Variants in LRRC4C observed in about 807,000 individuals in gnomAD.
LRRC4C encodes leucine rich repeat containing 4C, also known as leucine-rich repeat-containing protein 4C.
In LRRC4C, 5 loss-of-function variants were observed where a neutral mutation model predicts 33.6. The observed-to-expected ratio is 0.15, with a 90% CI of 0.08 to 0.31. The LOEUF is 0.31. LRRC4C is among the 10% of genes least tolerant of loss of function. The probability of loss-of-function intolerance (pLI) is 1.00; values close to 1 mark genes in which losing one functional copy is unlikely to be tolerated. For synonymous variants in LRRC4C, 329 were observed against 302.0 expected (o/e 1.09, Z -0.93); for missense variants, 560 against 796.7 (o/e 0.70, Z 3.58).
intron 6 of LRRC4C, among the ~76,000 whole-genome samples, chr11:40,134,013 G>A (rs1856814578): frequency 6.6e-6 from 1 of 152,036 alleles, no homozygotes; most frequent in Admixed American, 6.5e-5. Flanking sequence ...GAAAATCCTA[G>A]AGAAATTCTA....
At chr11:40,549,001 C>T (rs1256437462) in intron 3 of LRRC4C, among the ~76,000 whole-genome samples, 1 of 152,064 alleles carries the variant, frequency 6.6e-6, no homozygotes. Context: ...TTCTTTACTA[C>T]CCTAGTTAAA....
chr11:40,119,498 CTG>C (rs1228490144), intron 6 of LRRC4C, among the ~76,000 whole-genome samples: 1 of 152,124 alleles, frequency 6.6e-6, no homozygotes, highest in Non-Finnish European at 1.5e-5. Context: ...CCTGTGGACT[CTG>C]TGAGAACAGG....
At chr11:40,155,904 A>G (rs1053332275) in intron 5 of LRRC4C, among the ~76,000 whole-genome samples, 4 of 152,146 alleles carry the variant, frequency 2.6e-5, no homozygotes, top group Non-Finnish European at 4.4e-5. Context: ...ACCAAAAAAG[A>G]AAACTACAGA....
At chr11:41,441,375 T>C (rs1424403665) in intron 1 of LRRC4C, among the ~76,000 whole-genome samples, 1 of 151,938 alleles carries the variant, frequency 6.6e-6, no homozygotes, top group East Asian at 1.9e-4. Flanking sequence ...ATAGGAACAA[T>C]AGGGACTTCC....
chr11:40,154,559 A>G (rs891478494), intron 5 of LRRC4C, among the ~76,000 whole-genome samples: 10 of 152,194 alleles, frequency 6.6e-5, no homozygotes, highest in Admixed American at 3.9e-4. Context: ...AGTTATTCCT[A>G]TAGCAGACAA....
intron 2 of LRRC4C, among the ~76,000 whole-genome samples, chr11:40,870,985 C>T (rs1434076276): frequency 6.6e-6 from 1 of 152,088 alleles, no homozygotes; most frequent in African/African-American, 2.4e-5. Flanking sequence ...CTGAGGGTAG[C>T]CTCTGAAATG....
chr11:40,310,794 T>C (rs942663692), intron 4 of LRRC4C, among the ~76,000 whole-genome samples: 7 of 152,228 alleles, frequency 4.6e-5, no homozygotes, highest in Admixed American at 1.3e-4. Flanking sequence ...AAAAGGACTT[T>C]GGTTTACTTT....
chr11:41,369,028 T>C (rs1565618257), intron 1 of LRRC4C, among the ~76,000 whole-genome samples: 2 of 152,174 alleles, frequency 1.3e-5, no homozygotes, highest in Admixed American at 1.3e-4. Flanking sequence ...ATCACTTAAA[T>C]GGAAATCATT....
At chr11:40,762,532 C>A (rs534862108) in intron 2 of LRRC4C, among the ~76,000 whole-genome samples, 2 of 152,224 alleles carry the variant, frequency 1.3e-5, no homozygotes, top group South Asian at 2.1e-4. Context: ...TTATGAGGTA[C>A]AACAGAGTTG....
chr11:40,615,432 T>G (rs1421044692), intron 3 of LRRC4C, among the ~76,000 whole-genome samples: 16 of 151,396 alleles, frequency 1.1e-4, no homozygotes. Flanking sequence ...GATGATTATC[T>G]TCATAAATAT....
At chr11:41,287,635 G>T (rs751929246) in intron 1 of LRRC4C, among the ~76,000 whole-genome samples, 2 of 152,106 alleles carry the variant, frequency 1.3e-5, no homozygotes, top group Non-Finnish European at 2.9e-5. Context: ...CTGGCAAACA[G>T]ATATCAATAC....
chr11:40,365,854 C>T (rs1286302209), intron 3 of LRRC4C, among the ~76,000 whole-genome samples: 6 of 151,976 alleles, frequency 3.9e-5, no homozygotes, highest in Non-Finnish European at 8.8e-5. Context: ...TTATATCTGA[C>T]TTTGCAAGCC....
chr11:40,629,335 C>T (rs977082380), intron 3 of LRRC4C, among the ~76,000 whole-genome samples: 1 of 151,936 alleles, frequency 6.6e-6, no homozygotes, highest in Non-Finnish European at 1.5e-5. Context: ...TCATCACAAC[C>T]ATATATTTAC....
chr11:41,134,796 G>A (rs1943182209), intron 1 of LRRC4C, among the ~76,000 whole-genome samples: 1 of 152,118 alleles, frequency 6.6e-6, no homozygotes, highest in Non-Finnish European at 1.5e-5. Context: ...CTGAAGAAGT[G>A]AAGGTTAGGA....
chr11:41,161,484 G>A (rs1398166882), intron 1 of LRRC4C, among the ~76,000 whole-genome samples: 2 of 152,052 alleles, frequency 1.3e-5, no homozygotes, highest in African/African-American at 2.4e-5. Context: ...GGTCTTGGGG[G>A]CACACTGATA....
At chr11:41,021,326 T>A (rs987151372) in intron 1 of LRRC4C, among the ~76,000 whole-genome samples, 1 of 151,660 alleles carries the variant, frequency 6.6e-6, no homozygotes, top group Non-Finnish European at 1.5e-5. Flanking sequence ...GAGATTCTCT[T>A]CCTTTGCCAC....
intron 1 of LRRC4C, among the ~76,000 whole-genome samples, chr11:41,137,906 G>T (rs949457691): frequency 6.6e-6 from 1 of 152,192 alleles, no homozygotes; most frequent in Non-Finnish European, 1.5e-5. Context: ...TTTGGACCCA[G>T]GTGGGAGGTA....
At chr11:41,333,876 C>T (rs1951370981) in intron 1 of LRRC4C, among the ~76,000 whole-genome samples, 1 of 152,118 alleles carries the variant, frequency 6.6e-6, no homozygotes, top group Non-Finnish European at 1.5e-5. Flanking sequence ...TAACAATAAG[C>T]AAGCAGAGAA....
intron 5 of LRRC4C, among the ~76,000 whole-genome samples, chr11:40,193,086 A>G (rs192030173): frequency 6.6e-6 from 1 of 152,290 alleles, no homozygotes; most frequent in East Asian, 1.9e-4. Flanking sequence ...ATCTCCCAGC[A>G]CAGTGCTCGA....
Sources: allele counts gnomAD v4.1 joint callset (sites outside exome capture counted in the v4.1 genomes callset), GRCh38; gene constraint gnomAD v4.1.1; transcripts MANE v1.5; gene names NCBI Gene and HGNC (gene_info 2026-07-23, HGNC 2026-07-21).